Variants in SLC25A44 observed in about 807,000 individuals in gnomAD.
SLC25A44 encodes the protein solute carrier family 25 member 44, also known as solute carrier family 25, member 44.
In SLC25A44, 17 loss-of-function variants were observed where a neutral mutation model predicts 29.9. That is an observed-to-expected ratio of 0.57 (90% confidence interval 0.39 to 0.85). SLC25A44 has a LOEUF of 0.85. Ranked by LOEUF, SLC25A44 falls within the 40% of genes least tolerant of loss-of-function variation. The pLI is 0.00. For missense variants in SLC25A44, 302 were observed against 398.4 expected (o/e 0.76, Z 2.06); for synonymous variants, 140 against 151.8 (o/e 0.92, Z 0.57).
chr1:156,208,094 A>T, intron 3 of SLC25A44, 81 bp downstream of exon 3: 1 of 1,279,266 alleles, frequency 7.8e-7, no homozygotes, highest in Non-Finnish European at 1.1e-6. Context: ...TGTTGCCCTG[A>T]CCTCTTTGTG....
At position 156,206,164 on chromosome 1, in the gene SLC25A44, A is replaced by G. The variant is rs146767460; in HGVS notation, c.626-1722A>G. Among the ~76,000 whole-genome samples the G allele has an allele frequency of 1.7e-4, 26 of 152,318 alleles. No individual in the cohort carries two copies. In the East Asian group the frequency reaches 4.6e-3, roughly 27 times the overall value. ...GTTAAGAAAGGGTATGTAGTATGCAACGAAAAGGCTCCTTACCCACCTGGT... is the reference window on the plus strand; with the variant it reads ...GTTAAGAAAGGGTATGTAGTATGCAGCGAAAAGGCTCCTTACCCACCTGGT... On this transcript the variant is annotated intron_variant, in intron 2 of 3. Transcript: ENST00000359511.
intron 2 of SLC25A44, among the ~76,000 whole-genome samples, chr1:156,202,222 G>A (rs1345766866): frequency 6.6e-6 from 1 of 152,150 alleles, no homozygotes; most frequent in African/African-American, 2.4e-5. Context: ...TGGAAACCAT[G>A]CCTCTGTTAC....
rs949064625 is a variant in SLC25A44, at chr1:156,198,075, A to C, written c.-13-1760A>C. 1 of 152,138 alleles carries C rather than the reference A, an allele frequency of 6.6e-6. No individual in the cohort carries two copies. Among genetic ancestry groups the C allele is most frequent in the Admixed American group, 6.5e-5 (1 of 15,268 alleles). The allele number at this position is 152,138 out of a possible 1,614,324, so 9.4% of individuals were successfully genotyped here. A position where few individuals can be genotyped will look rare whatever the true frequency, so the allele number is the denominator to read the frequency against. ...GCTTGGCATGAGGTTTGCTACTGGA[A>C]CTGCTAGTGTAGAATGTTTCAGCCC... On this transcript the variant is annotated intron_variant, in intron 1 of 3. Coordinates refer to ENST00000359511, the MANE Select transcript of SLC25A44 (RefSeq NM_014655.4). This position sits in a 1 kb window ranked among gnomAD's most constrained non-coding sequence, Gnocchi z 4.1.
chr1:156,207,050 G>A (rs1033459583), intron 2 of SLC25A44, among the ~76,000 whole-genome samples: 1 of 152,154 alleles, frequency 6.6e-6, no homozygotes, highest in African/African-American at 2.4e-5. Context: ...TTAAATGGAC[G>A]ATGTTGGCCA....
chr1:156,194,678 G>A (rs1303771783), intron 1 of SLC25A44, among the ~76,000 whole-genome samples: 1 of 152,146 alleles, frequency 6.6e-6, no homozygotes, highest in Non-Finnish European at 1.5e-5. Context: ...CTAGGGAAAT[G>A]TATATTCAGT....
In SLC25A44 at chr1:156,211,193, A is replaced by C. The variant is rs922811757; in HGVS notation, c.*762A>C. The C allele has an allele frequency of 3.9e-5, 6 of 152,382 alleles. No individual in the cohort carries two copies. The highest frequency in any genetic ancestry group is 7.3e-5 in the Non-Finnish European group (5 of 68,038). 9.4% of individuals were successfully genotyped at this position (152,382 alleles called of 1,614,324 possible). A position where few individuals can be genotyped will look rare whatever the true frequency, so the allele number is the denominator to read the frequency against. ...CTTCCTAAGACAGGTAGAAAAATGTAATGTAGCTTTTTCCACAAGCCACTT... is the reference window on the plus strand; with the variant it reads ...CTTCCTAAGACAGGTAGAAAAATGTCATGTAGCTTTTTCCACAAGCCACTT... On this transcript the variant is annotated 3_prime_UTR_variant, in exon 4 of 4. Coordinates refer to ENST00000359511, the MANE Select transcript of SLC25A44 (RefSeq NM_014655.4).
In SLC25A44 at chr1:156,200,484, C is replaced by A; in HGVS notation, c.625+12C>A. 1 of 1,583,894 alleles carries A rather than the reference C, an allele frequency of 6.3e-7. No individual in the cohort carries two copies. Among genetic ancestry groups the A allele is most frequent in the Non-Finnish European group, 8.6e-7 (1 of 1,163,180 alleles). ...TCACTTCTATGCAGGTAAGCAGGGGCCAGGACAGTGGGGGAGGAAGGTGGG... is the reference window on the plus strand; with the variant it reads ...TCACTTCTATGCAGGTAAGCAGGGGACAGGACAGTGGGGGAGGAAGGTGGG... On this transcript the variant is annotated intron_variant, in intron 2 of 3. Transcript: ENST00000359511.
At chr1:156,205,291 C>G (rs1033956089) in intron 2 of SLC25A44, among the ~76,000 whole-genome samples, 2 of 152,134 alleles carry the variant, frequency 1.3e-5, no homozygotes, top group Admixed American at 1.3e-4. Context: ...GATCGCCCGC[C>G]TCTGCCTCCC....
rs1186961590 is a variant in SLC25A44, at chr1:156,210,505, C to T, written c.*74C>T. On this transcript the variant is annotated 3_prime_UTR_variant, in exon 4 of 4. Coordinates refer to ENST00000359511, the MANE Select transcript of SLC25A44 (RefSeq NM_014655.4). ...GGGGCAGAGTGGAGAGGACAGCACC[C>T]TCTCCAGGTGCTCCCACCACACACC... is the stretch of plus-strand genomic sequence containing the variant. 8.8e-7 allele frequency: 1 copy of T among 1,133,402 alleles called. No individual in the cohort carries two copies. Among genetic ancestry groups the T allele is most frequent in the African/African-American group, 1.6e-5 (1 of 62,512 alleles). The allele number at this position is 1,133,402 out of a possible 1,614,324, so 70.2% of individuals were successfully genotyped here.
chr1:156,200,979 G>A (rs908013776), intron 2 of SLC25A44, among the ~76,000 whole-genome samples: 4 of 151,968 alleles, frequency 2.6e-5, no homozygotes, highest in Non-Finnish European at 5.9e-5. Context: ...GGGACTATAG[G>A]CGTTTGCCAC....
intron 2 of SLC25A44, among the ~76,000 whole-genome samples, chr1:156,207,034 T>C (rs1666122397): frequency 6.6e-6 from 1 of 152,172 alleles, no homozygotes; most frequent in African/African-American, 2.4e-5. Flanking sequence ...AGGAATCTTG[T>C]CCTGTTTAAA....
intron 3 of SLC25A44, among the ~76,000 whole-genome samples, chr1:156,208,556 C>T (rs547160244): frequency 9.8e-5 from 15 of 152,328 alleles, no homozygotes; most frequent in African/African-American, 3.4e-4. Flanking sequence ...CATACCTCTC[C>T]TCCATCACAT....
intron 2 of SLC25A44, among the ~76,000 whole-genome samples, chr1:156,205,950 A>G (rs1339515669): frequency 3.3e-5 from 5 of 152,186 alleles, no homozygotes; most frequent in African/African-American, 1.2e-4. Flanking sequence ...AGAAAATTCA[A>G]TTGCAGGTAG....
At chr1:156,204,462 C>T (rs1370237989) in intron 2 of SLC25A44, among the ~76,000 whole-genome samples, 1 of 152,218 alleles carries the variant, frequency 6.6e-6, no homozygotes, top group Non-Finnish European at 1.5e-5. Flanking sequence ...AGGAGGCAGG[C>T]AGTGCCAGTC....
At position 156,210,420 on chromosome 1, in the gene SLC25A44, A is replaced by G. The variant is rs1657223169; in HGVS notation, c.934A>G (p.Arg312Gly). Residue 312 changes from arginine (R) to glycine (G), a missense_variant, in exon 4 of 4, where the codon AGA (arginine) becomes GGA (glycine). Transcript: ENST00000359511. ...CCTCCGACCTGAGCTGGTGGACTCG[A>G]GACACTGGTAACCAGTGGTGGGGAG... is the stretch of plus-strand genomic sequence containing the variant. The part of the protein sequence containing the change: ...LSLRPELVDS[R>G]HW The G allele has an allele frequency of 1.3e-6, 2 of 1,579,266 alleles. No homozygotes were observed. Among genetic ancestry groups the G allele is most frequent in the Non-Finnish European group, 1.7e-6 (2 of 1,163,654 alleles).
At chr1:156,194,422 G>A (rs1656079466) in intron 1 of SLC25A44, among the ~76,000 whole-genome samples, 175 bp downstream of exon 1, 1 of 152,252 alleles carries the variant, frequency 6.6e-6, no homozygotes, top group African/African-American at 2.4e-5. Context: ...TTCGCTGACA[G>A]CGAAGAAGCA....
chr1:156,205,220 T>G (rs1399006158), intron 2 of SLC25A44, among the ~76,000 whole-genome samples: 1 of 152,126 alleles, frequency 6.6e-6, no homozygotes, highest in Admixed American at 6.5e-5. Context: ...ATTTTGTATT[T>G]TTAGTAGAGA....
intron 2 of SLC25A44, among the ~76,000 whole-genome samples, chr1:156,201,824 A>G (rs1014539906): frequency 2.6e-5 from 4 of 152,076 alleles, no homozygotes; most frequent in African/African-American, 9.7e-5. Context: ...AAATGTGAGC[A>G]TTTTCTCTGG....
intron 2 of SLC25A44, among the ~76,000 whole-genome samples, chr1:156,201,939 G>T (rs1400861200): frequency 6.6e-6 from 1 of 152,150 alleles, no homozygotes; most frequent in African/African-American, 2.4e-5. Flanking sequence ...CTAGCCTGTC[G>T]AGAGTTCTGG....
Sources: gnomAD v4.1 joint callset for allele counts (sites outside exome capture counted in the v4.1 genomes callset) on GRCh38, gnomAD v4.1.1 for gene constraint, Gnocchi (gnomAD v3.1) non-coding constraint, MANE v1.5 for transcripts, NCBI Gene and HGNC (gene_info 2026-07-23, HGNC 2026-07-21) for gene names.